The following KDM4C variants were observed in gnomAD, a reference collection of about 807,000 sequenced individuals.
KDM4C encodes the protein lysine demethylase 4C, also known as lysine-specific demethylase 4C.
In KDM4C, 81 loss-of-function variants were observed where a neutral mutation model predicts 129.3. The ratio of observed to expected loss-of-function variants is 0.63; its 90% confidence interval spans 0.52 to 0.75. KDM4C has a LOEUF of 0.75. Among genes scored for constraint, KDM4C ranks in the 30% least tolerant of loss-of-function variants. KDM4C has a pLI of 0.00. For missense variants in KDM4C, 1,457 were observed against 1,304.0 expected (o/e 1.12, Z -1.81); for synonymous variants, 573 against 456.1 (o/e 1.26, Z -3.26).
chr9:6,823,318 G>A (rs571858004), intron 4 of KDM4C, among the ~76,000 whole-genome samples: 5 of 152,130 alleles, frequency 3.3e-5, no homozygotes, highest in African/African-American at 1.2e-4. Flanking sequence ...GCACCAAAAG[G>A]GGGTAGCTTA....
At chr9:6,860,283 T>C (rs1840685655) in intron 5 of KDM4C, among the ~76,000 whole-genome samples, 1 of 152,196 alleles carries the variant, frequency 6.6e-6, no homozygotes, top group African/African-American at 2.4e-5. Flanking sequence ...TTAGATGTGT[T>C]ACTTGGAAAC....
chr9:7,133,945 C>G (rs1277867209), intron 19 of KDM4C, among the ~76,000 whole-genome samples: 2 of 152,188 alleles, frequency 1.3e-5, no homozygotes, highest in Non-Finnish European at 2.9e-5. Context: ...GGTCAGGTAG[C>G]CATGCATATA....
rs1816721256 is a variant in KDM4C at position 6,981,253 on chromosome 9, A to C, written c.1115+135A>C. ...TAATACCTTTCTGAAAATGTGAGAC[A>C]TTATTTTTAATTCTTAGGTGTGTAA... On this transcript the variant is annotated intron_variant, in intron 9 of 21. Coordinates refer to ENST00000381309, the MANE Select transcript of KDM4C (RefSeq NM_015061.6). 6.3e-6 allele frequency: 4 copies of C among 633,910 alleles called. No individual in the cohort carries two copies. The Admixed American group carries it at 1.3e-4, about 21-fold the overall frequency. 39.3% of individuals were successfully genotyped at this position (633,910 alleles called of 1,614,324 possible).
At chr9:7,001,932 G>A (rs1480386114) in intron 12 of KDM4C, among the ~76,000 whole-genome samples, 2 of 151,874 alleles carry the variant, frequency 1.3e-5, no homozygotes, top group Non-Finnish European at 2.9e-5. Flanking sequence ...TTACTCTGTT[G>A]CCTACACTGG....
intron 8 of KDM4C, among the ~76,000 whole-genome samples, chr9:6,951,050 T>A (rs1828054864): frequency 6.6e-6 from 1 of 152,172 alleles, no homozygotes; most frequent in Admixed American, 6.5e-5. Context: ...AATTTTTTTT[T>A]AACTTGACAA....
At chr9:6,864,350 C>G (rs1354848153) in intron 5 of KDM4C, among the ~76,000 whole-genome samples, 2 of 152,194 alleles carry the variant, frequency 1.3e-5, no homozygotes, top group East Asian at 3.8e-4. Flanking sequence ...TATATGATTT[C>G]ATTGAGAGAT....
chr9:7,151,841 C>G (rs1300131589), intron 19 of KDM4C, among the ~76,000 whole-genome samples: 3 of 152,190 alleles, frequency 2.0e-5, no homozygotes, highest in African/African-American at 7.2e-5. Context: ...GATACAGATA[C>G]CTCAGTGTGG....
chr9:6,912,390 C>T (rs1819484753), intron 8 of KDM4C, among the ~76,000 whole-genome samples: 1 of 152,202 alleles, frequency 6.6e-6, no homozygotes, highest in Non-Finnish European at 1.5e-5. Flanking sequence ...GATGTACACA[C>T]CATGCTGGCA....
chr9:7,155,965 A>G (rs944520726), intron 19 of KDM4C, among the ~76,000 whole-genome samples: 8 of 152,004 alleles, frequency 5.3e-5, no homozygotes, highest in African/African-American at 1.9e-4. Flanking sequence ...ACTAATTTAC[A>G]CTCCCACCAA....
intron 2 of KDM4C, among the ~76,000 whole-genome samples, chr9:6,799,518 C>T (rs1828499412): frequency 6.6e-6 from 1 of 150,600 alleles, no homozygotes; most frequent in South Asian, 2.1e-4. Context: ...GGCAGCAGCA[C>T]AGTCCAACTT....
chr9:6,994,224 G>C (rs1819278934), intron 12 of KDM4C, among the ~76,000 whole-genome samples: 1 of 152,072 alleles, frequency 6.6e-6, no homozygotes, highest in Admixed American at 6.5e-5. Context: ...ACCCCTTGCT[G>C]TGTGGCCTGT....
intron 1 of KDM4C, among the ~76,000 whole-genome samples, chr9:6,731,881 G>A (rs1817347865): frequency 6.6e-6 from 1 of 152,064 alleles, no homozygotes; most frequent in African/African-American, 2.4e-5. Context: ...TTCAGCTCTT[G>A]TCATTCCAGT....
chr9:6,850,839 C>T (rs978732492), intron 5 of KDM4C, among the ~76,000 whole-genome samples: 2 of 152,212 alleles, frequency 1.3e-5, no homozygotes, highest in Non-Finnish European at 2.9e-5. Flanking sequence ...ACTGCAACCT[C>T]CACCTCCTAG....
intron 12 of KDM4C, among the ~76,000 whole-genome samples, chr9:6,999,796 C>A (rs532521274): frequency 1.3e-5 from 2 of 152,230 alleles, no homozygotes; most frequent in South Asian, 4.1e-4. Flanking sequence ...AAAGTCTTTC[C>A]CCTGCGTAAA....
chr9:7,074,574 A>G (rs916419492), intron 17 of KDM4C, among the ~76,000 whole-genome samples: 10 of 152,180 alleles, frequency 6.6e-5, no homozygotes, highest in Non-Finnish European at 1.2e-4. Context: ...TTTTCAGCTT[A>G]TAAGTAAGTT....
At chr9:6,836,666 AT>A (rs1276470956) in intron 4 of KDM4C, among the ~76,000 whole-genome samples, 3 of 152,090 alleles carry the variant, frequency 2.0e-5, no homozygotes, top group Admixed American at 2.0e-4. Flanking sequence ...AGTTTGGCTT[AT>A]TTTTGACCTT....
intron 17 of KDM4C, among the ~76,000 whole-genome samples, chr9:7,070,600 A>G (rs1236658257): frequency 1.3e-5 from 2 of 152,176 alleles, no homozygotes; most frequent in African/African-American, 4.8e-5. Context: ...GTAACAGACT[A>G]AAGAAAAGCC....
At chr9:7,051,815 T>G (rs1173494458) in intron 17 of KDM4C, among the ~76,000 whole-genome samples, 9 of 152,212 alleles carry the variant, frequency 5.9e-5, no homozygotes, top group Non-Finnish European at 1.5e-5. Context: ...AATTATCACT[T>G]GTCTTGCCAT....
At chr9:7,110,354 CA>C (rs1838178799) in intron 18 of KDM4C, among the ~76,000 whole-genome samples, 1 of 152,142 alleles carries the variant, frequency 6.6e-6, no homozygotes, top group Non-Finnish European at 1.5e-5. Context: ...AGATAAATAG[CA>C]TTTTTTTTCA....
Sources: allele counts gnomAD v4.1 joint callset (sites outside exome capture counted in the v4.1 genomes callset), GRCh38; gene constraint gnomAD v4.1.1; transcripts MANE v1.5; gene names NCBI Gene and HGNC (gene_info 2026-07-23, HGNC 2026-07-21).